ANKRD11: variants seen among roughly 807,000 people sequenced by gnomAD.
ANKRD11 encodes ankyrin repeat domain 11.
ANKRD11 carries 17 observed loss-of-function variants against 195.7 expected under a neutral mutation model. The ratio of observed to expected loss-of-function variants is 0.09; its 90% CI spans 0.06 to 0.13. The LOEUF (loss-of-function observed/expected upper bound fraction) is 0.13, where lower values mean the gene tolerates loss of function less well. ANKRD11 is among the 10% of genes least tolerant of loss of function. The probability of loss-of-function intolerance (pLI) is 1.00; values close to 1 mark genes in which losing one functional copy is unlikely to be tolerated. For synonymous variants in ANKRD11, 1,953 were observed against 1,528.1 expected (o/e 1.28, Z -6.49); for missense variants, 3,735 against 3,566.1 (o/e 1.05, Z -1.21).
At chr16:89,337,007 CAAAAAAAAAAAAAAA>C (rs60248736) in intron 2 of ANKRD11, among the ~76,000 whole-genome samples, 1 of 47,742 alleles carries the variant, frequency 2.1e-5, no homozygotes, top group Non-Finnish European at 3.7e-5. Flanking sequence ...CTGGCTCTAC[CAAAAAAAAAAAAAAA>C]AAAAAAAAAA....
chr16:89,286,082 C>T lies in ANKRD11; in HGVS notation c.849G>A (p.Leu283=). The T allele has an allele frequency of 2.5e-6, 4 of 1,614,258 alleles. No individual in the cohort carries two copies. The highest frequency in any genetic ancestry group is 3.4e-6 in the Non-Finnish European group (4 of 1,180,052). Residue 283 remains leucine (L), a synonymous_variant, in exon 8 of 13, where the codon CTG becomes CTA. Transcript: ENST00000301030. ...VANSPTMVNL[L]LGKGTYTSSE... ...TGGAAGTGTAAGTGCCTTTGCCTAACAGGAGGTTCACCATCGTGGGGGAGT... is the reference window on the plus strand; with the variant it reads ...TGGAAGTGTAAGTGCCTTTGCCTAATAGGAGGTTCACCATCGTGGGGGAGT...
chr16:89,475,130 G>A lies in ANKRD11; in HGVS notation c.-145+15115C>T, dbSNP rs531011697. Among the ~76,000 whole-genome samples the A allele has an allele frequency of 1.4e-4, 22 of 152,290 alleles. 1 individual carries two copies. In the South Asian group the frequency reaches 2.5e-3, roughly 17 times the overall value. On this transcript the variant is annotated intron_variant, in intron 1 of 12. Coordinates refer to ENST00000301030, the MANE Select transcript of ANKRD11 (RefSeq NM_013275.6). ...TCCAACAGACCCTCTTGACTGTGACGGGCAGAGAAAGGCTGGGGAGCTCTT... is the reference window on the plus strand; with the variant it reads ...TCCAACAGACCCTCTTGACTGTGACAGGCAGAGAAAGGCTGGGGAGCTCTT...
Position 89,279,156 on chromosome 16 carries a change from C to T in ANKRD11, c.7386G>A (p.Ala2462=), listed in dbSNP as rs150705886. ...TGACGTACTCGGCGTAGCACTGGGGCGCCTGCGGCGTGATACAGCACAGGA... is the reference window on the plus strand; with the variant it reads ...TGACGTACTCGGCGTAGCACTGGGGTGCCTGCGGCGTGATACAGCACAGGA... ...RKILCCITPQ[A]PQCYAEYVTY... is the part of the protein sequence containing the mutation. Residue 2462 remains alanine, a synonymous_variant, in exon 9 of 13, where the codon GCG becomes GCA. Transcript: ENST00000301030. The surrounding 1 kb of genome is among the most constrained non-coding windows in gnomAD (Gnocchi z 5.6). The T allele has an allele frequency of 6.2e-6, 10 of 1,613,490 alleles. No homozygotes were observed. The African/African-American group carries it at 6.7e-5, about 11-fold the overall frequency.
At chr16:89,463,514 C>T (rs1016276182) in intron 1 of ANKRD11, among the ~76,000 whole-genome samples, 1 of 152,142 alleles carries the variant, frequency 6.6e-6, no homozygotes, top group African/African-American at 2.4e-5. Flanking sequence ...ATCTCAAGTA[C>T]CCAGGGACAC....
intron 2 of ANKRD11, among the ~76,000 whole-genome samples, chr16:89,332,351 G>A (rs2038110998): frequency 1.3e-5 from 2 of 152,152 alleles, no homozygotes; most frequent in Non-Finnish European, 1.5e-5. Flanking sequence ...AGCACCTCTG[G>A]TGGGCTGTAC....
intron 4 of ANKRD11, chr16:89,300,613 T>C (rs1289990373): frequency 2.1e-6 from 1 of 474,352 alleles, no homozygotes; most frequent in Admixed American, 4.2e-5. Context: ...GTCCCACAGA[T>C]ACCAGTGGCT....
In ANKRD11 at chr16:89,291,886, G is replaced by C. The variant is rs545922937; in HGVS notation, c.227-703C>G. The C allele has an allele frequency of 1.4e-6, 1 of 706,226 alleles. No homozygotes were observed. The highest frequency in any genetic ancestry group is 6.6e-5 in the East Asian group (1 of 15,130). The allele number at this position is 706,226 out of a possible 1,614,324, so 43.7% of individuals were successfully genotyped here. On this transcript the variant is annotated intron_variant, in intron 4 of 12. Transcript: ENST00000301030. This position sits in a 1 kb window ranked among gnomAD's most constrained non-coding sequence, Gnocchi z 5.3. ...CCCTGCACTCATCTGACCCGTTACA[G>C]AACACTCGGCTGGCGTCTAACGCAA...
intron 1 of ANKRD11, among the ~76,000 whole-genome samples, chr16:89,446,701 C>T (rs1176304296): frequency 2.6e-5 from 4 of 152,172 alleles, no homozygotes; most frequent in Non-Finnish European, 5.9e-5. Context: ...TGTGGCAGGA[C>T]CCTGGACACA....
chr16:89,286,160 T>G lies in ANKRD11; in HGVS notation c.771A>C (p.Gly257=), dbSNP rs761587397. ...YKVVKLLLRY[G]GNPQQSNRKG... ...TCCTGTTGCTCTGCTGCGGGTTCCC[T>G]CCGTACCGCAGCAGCAGCTTCACCA... is the stretch of plus-strand genomic sequence containing the variant. Residue 257 remains glycine (G), a synonymous_variant, in exon 8 of 13, where the codon GGA becomes GGC. Coordinates refer to ENST00000301030, the MANE Select transcript of ANKRD11 (RefSeq NM_013275.6). 49 of 1,613,816 alleles carry G rather than the reference T, an allele frequency of 3.0e-5. No individual in the cohort carries two copies. Among genetic ancestry groups the G allele is most frequent in the Non-Finnish European group, 4.1e-5 (48 of 1,180,026 alleles).
intron 1 of ANKRD11, among the ~76,000 whole-genome samples, chr16:89,435,159 A>C (rs2043159573): frequency 6.6e-6 from 1 of 152,134 alleles, no homozygotes; most frequent in South Asian, 2.1e-4. Flanking sequence ...AGGTTTCTAA[A>C]CTCACCAATC....
intron 2 of ANKRD11, among the ~76,000 whole-genome samples, chr16:89,357,990 A>G (rs1227801434): frequency 1.3e-5 from 2 of 152,388 alleles, no homozygotes; most frequent in Non-Finnish European, 2.9e-5. Context: ...TCTGAAATCA[A>G]TCTCTTCAAA....
chr16:89,285,455 C>G lies in ANKRD11; in HGVS notation c.1087G>C (p.Asp363His). Residue 363 changes from aspartate to histidine, a missense_variant, in exon 9 of 13, where the codon GAC becomes CAC. Physicochemically the swap from Asp to His is moderately conservative, Grantham distance 81 (BLOSUM62 -1). Transcript: ENST00000301030. The surrounding 1 kb of genome is among the most constrained non-coding windows in gnomAD (Gnocchi z 5.6). Reference sequence around the variant, plus strand: ...TAGTCCTTTTTCAATAGGTGCTTGTCGTCCACCGGAGGAACCCTGTCCTGC... The same window carrying G: ...TAGTCCTTTTTCAATAGGTGCTTGTGGTCCACCGGAGGAACCCTGTCCTGC... ...DEQDRVPPVD[D>H]KHLLKKDYRK... 6.2e-7 allele frequency: 1 copy of G among 1,614,202 alleles called. No homozygotes were observed.
At chr16:89,483,515 T>G (rs2057509417) in intron 1 of ANKRD11, among the ~76,000 whole-genome samples, 1 of 152,208 alleles carries the variant, frequency 6.6e-6, no homozygotes, top group African/African-American at 2.4e-5. Context: ...CTCGCATGTG[T>G]CAGGGGAAAA....
chr16:89,332,537 T>G (rs1323099031), intron 2 of ANKRD11, among the ~76,000 whole-genome samples: 2 of 152,206 alleles, frequency 1.3e-5, no homozygotes, highest in Non-Finnish European at 2.9e-5. Context: ...TCTCACCAAC[T>G]TCCTCTATAA....
At chr16:89,314,805 T>C (rs990818575) in intron 3 of ANKRD11, among the ~76,000 whole-genome samples, 2 of 152,158 alleles carry the variant, frequency 1.3e-5, no homozygotes, top group Admixed American at 6.5e-5. Flanking sequence ...ACATTCCTTC[T>C]GCATCCTACC....
chr16:89,413,396 T>C (rs1342517469), intron 2 of ANKRD11, among the ~76,000 whole-genome samples: 2 of 152,138 alleles, frequency 1.3e-5, no homozygotes, highest in East Asian at 3.9e-4. Context: ...GAGGCTGAGG[T>C]GGGCAGATCA....
intron 2 of ANKRD11, among the ~76,000 whole-genome samples, chr16:89,393,863 C>T (rs1359010956): frequency 6.6e-6 from 1 of 152,154 alleles, no homozygotes. Context: ...AATAATCATG[C>T]TGATCTGCAT....
chr16:89,344,785 C>T (rs1433332731), intron 2 of ANKRD11, among the ~76,000 whole-genome samples: 1 of 152,200 alleles, frequency 6.6e-6, no homozygotes, highest in African/African-American at 2.4e-5. Context: ...GACGTGAGGC[C>T]AGAGGCGGCT....
intron 1 of ANKRD11, among the ~76,000 whole-genome samples, chr16:89,481,058 T>G (rs1947147130): frequency 1.3e-5 from 2 of 152,206 alleles, no homozygotes; most frequent in Non-Finnish European, 2.9e-5. Context: ...TCCCCATTCC[T>G]GCTTTCTTTT....
Sources: gnomAD v4.1 joint callset for allele counts (sites outside exome capture counted in the v4.1 genomes callset) on GRCh38, gnomAD v4.1.1 for gene constraint, Gnocchi (gnomAD v3.1) non-coding constraint, MANE v1.5 for transcripts, NCBI Gene and HGNC (gene_info 2026-07-23, HGNC 2026-07-21) for gene names.